Variants in DYNAP observed in about 807,000 individuals in gnomAD.
DYNAP encodes the protein dynactin-associated protein.
DYNAP carries 7 observed loss-of-function variants against 8.5 expected under a neutral mutation model. The observed-to-expected ratio is 0.82, with a 90% CI of 0.47 to 1.54. DYNAP has a LOEUF of 1.54. Ranked by LOEUF, DYNAP falls within the 40% of genes most tolerant of loss-of-function variation. The probability of loss-of-function intolerance (pLI) is 0.01; values close to 1 mark genes in which losing one functional copy is unlikely to be tolerated. For missense variants in DYNAP, 256 were observed against 224.3 expected, an observed-to-expected ratio of 1.14 and a Z score of -0.90; for synonymous variants, 77 against 77.9, an observed-to-expected ratio of 0.99 and a Z score of 0.06.
the DYNAP span, among the ~76,000 whole-genome samples, chr18:54,581,341 G>A: frequency 6.6e-6 from 1 of 152,206 alleles, no homozygotes; most frequent in South Asian, 2.1e-4. Flanking sequence ...AACGATGCAA[G>A]ATAATCACTA....
At chr18:54,594,610 C>A (rs1014301886) in intron 1 of DYNAP, among the ~76,000 whole-genome samples, 1 of 152,062 alleles carries the variant, frequency 6.6e-6, no homozygotes, top group African/African-American at 2.4e-5. Flanking sequence ...GATGCAAGGA[C>A]TTCAGCTCAC....
At chr18:54,590,764 A>G (rs1911037240), upstream of DYNAP, among the ~76,000 whole-genome samples, 2 of 152,162 alleles carry the variant, frequency 1.3e-5, no homozygotes, top group African/African-American at 4.8e-5. Flanking sequence ...ATAGTTTTTA[A>G]TGAGTGTGAA....
At chr18:54,587,463 A>AT (rs1371278660), upstream of DYNAP, among the ~76,000 whole-genome samples, 1 of 152,142 alleles carries the variant, frequency 6.6e-6, no homozygotes, top group African/African-American at 2.4e-5. Flanking sequence ...CATAATTCAA[A>AT]TTTTTTTAAA....
chr18:54,595,979 T>A (rs894983391), intron 2 of DYNAP, among the ~76,000 whole-genome samples: 2 of 152,182 alleles, frequency 1.3e-5, no homozygotes, highest in Non-Finnish European at 2.9e-5. Flanking sequence ...TTTCTTCTTG[T>A]TTGCAGAGGT....
At position 54,598,289 on chromosome 18, in the gene DYNAP, T is replaced by C; in HGVS notation, c.*144T>C. ...AACAGACTCTATAACCGTTACAACT[T>C]CAACAAAATCAAGTCCTACTTCAAC... On this transcript the variant is annotated 3_prime_UTR_variant, in exon 3 of 3. Transcript: ENST00000648945. 1.2e-6 allele frequency: 1 copy of C among 809,928 alleles called. No homozygotes were observed. The highest frequency in any genetic ancestry group is 1.9e-6 in the Non-Finnish European group (1 of 540,496). The allele number at this position is 809,928 out of a possible 1,614,324, so 50.2% of individuals were successfully genotyped here.
At chr18:54,581,847 A>C in the DYNAP span, among the ~76,000 whole-genome samples, 1 of 152,210 alleles carries the variant, frequency 6.6e-6, no homozygotes, top group African/African-American at 2.4e-5. Context: ...ATTAATTTTT[A>C]ACAGTTCTTC....
At chr18:54,595,163 T>C in intron 2 of DYNAP, 60 bp downstream of exon 2, 2 of 1,469,036 alleles carry the variant, frequency 1.4e-6, no homozygotes, top group Non-Finnish European at 1.8e-6. Flanking sequence ...GGGCATGTAC[T>C]TTGCCTATTC....
chr18:54,590,364 T>C (rs1039653482), upstream of DYNAP, among the ~76,000 whole-genome samples: 1 of 151,270 alleles, frequency 6.6e-6, no homozygotes, highest in Non-Finnish European at 1.5e-5. Flanking sequence ...TTTAGAACAA[T>C]TTTTTTTCCC....
intron 1 of DYNAP, among the ~76,000 whole-genome samples, chr18:54,594,473 A>T (rs1386826671): frequency 1.3e-5 from 2 of 152,166 alleles, no homozygotes; most frequent in Non-Finnish European, 2.9e-5. Flanking sequence ...AGTGGAGTAC[A>T]TGGGCCTTAA....
At chr18:54,579,702 G>T in the DYNAP span, among the ~76,000 whole-genome samples, 1 of 152,154 alleles carries the variant, frequency 6.6e-6, no homozygotes, top group Non-Finnish European at 1.5e-5. Flanking sequence ...AAAAGTAGGA[G>T]ATTTCCCCCT....
At chr18:54,588,138 A>G (rs1910945641), upstream of DYNAP, among the ~76,000 whole-genome samples, 1 of 152,146 alleles carries the variant, frequency 6.6e-6, no homozygotes, top group Non-Finnish European at 1.5e-5. Flanking sequence ...CTTGGTTGCT[A>G]CTAATTTGAT....
the DYNAP span, among the ~76,000 whole-genome samples, chr18:54,581,647 A>AT: frequency 5.9e-5 from 9 of 152,210 alleles, no homozygotes; most frequent in Non-Finnish European, 1.0e-4. Flanking sequence ...GAAAAAATCA[A>AT]TTTTTTAAGA....
chr18:54,586,188 C>T (rs1048825225), upstream of DYNAP, among the ~76,000 whole-genome samples: 5 of 152,138 alleles, frequency 3.3e-5, no homozygotes, highest in Admixed American at 2.6e-4. Flanking sequence ...AGGCCTGGAT[C>T]CCTGCCTTAA....
chr18:54,584,065 G>A (rs998736250), upstream of DYNAP, among the ~76,000 whole-genome samples: 1 of 151,908 alleles, frequency 6.6e-6, no homozygotes, highest in South Asian at 2.1e-4. Context: ...ATACACATGA[G>A]CAAGGTTAAA....
Position 54,594,976 on chromosome 18 carries a change from C to A in DYNAP, c.95C>A (p.Ser32Tyr). ...CCAAATGACCAAGAGGCTCACAGTT[C>A]CATATGCTGGTGTCTACCTTCAAAT... ...THPNDQEAHS[S>Y]ICWCLPSNDI... The change falls in exon 2 of 3, where the codon TCC (serine) becomes TAC (tyrosine). Residue 32 changes from serine (S) to tyrosine (Y), a missense_variant. Transcript: ENST00000648945. 1.2e-6 allele frequency: 2 copies of A among 1,612,532 alleles called. No individual in the cohort carries two copies. Among genetic ancestry groups the A allele is most frequent in the Non-Finnish European group, 1.7e-6 (2 of 1,179,104 alleles).
the DYNAP span, among the ~76,000 whole-genome samples, chr18:54,578,435 T>C: frequency 3.9e-5 from 6 of 152,216 alleles, no homozygotes; most frequent in Non-Finnish European, 8.8e-5. Flanking sequence ...AACACATGCA[T>C]GGATGCATCA....
chr18:54,585,457 C>T (rs939079745), upstream of DYNAP, among the ~76,000 whole-genome samples: 8 of 152,226 alleles, frequency 5.3e-5, no homozygotes, highest in East Asian at 1.4e-3. Context: ...TACTTTCCCC[C>T]AGTGCCTTGC....
chr18:54,598,194 C>G lies in DYNAP; in HGVS notation c.*49C>G. The G allele has an allele frequency of 6.5e-7, 1 of 1,547,976 alleles. No homozygotes were observed. Among genetic ancestry groups the G allele is most frequent in the Non-Finnish European group, 8.8e-7 (1 of 1,142,330 alleles). On this transcript the variant is annotated 3_prime_UTR_variant, in exon 3 of 3. Transcript: ENST00000648945. ...TCAACTGAAACTTCAACCTCTACCA[C>G]TTCAACTCAGTTTGCAACTATAATA...
At chr18:54,575,952 C>G in the DYNAP span, among the ~76,000 whole-genome samples, 1 of 152,296 alleles carries the variant, frequency 6.6e-6, no homozygotes, top group Non-Finnish European at 1.5e-5. Context: ...ATTCTAATCT[C>G]TCTCATCATC....
Sources: gnomAD v4.1 joint callset for allele counts (sites outside exome capture counted in the v4.1 genomes callset) on GRCh38, gnomAD v4.1.1 for gene constraint, MANE v1.5 for transcripts, NCBI Gene and HGNC (gene_info 2026-07-23, HGNC 2026-07-21) for gene names.